PZP: variants seen among roughly 807,000 people sequenced by gnomAD.
PZP encodes pregnancy zone protein.
PZP carries 150 observed loss-of-function variants against 179.8 expected under a neutral mutation model. The observed-to-expected ratio is 0.83, with a 90% CI of 0.73 to 0.96. The LOEUF (loss-of-function observed/expected upper bound fraction) is 0.96, where lower values mean the gene tolerates loss of function less well. PZP is among the 40% of genes least tolerant of loss of function. PZP has a pLI of 0.00. For synonymous variants in PZP, 624 were observed against 652.3 expected, an observed-to-expected ratio of 0.96 and a Z score of 0.66; for missense variants, 1,689 against 1,764.0, an observed-to-expected ratio of 0.96 and a Z score of 0.76.
chr12:9,162,726 A>C lies in PZP; in HGVS notation c.2737-78T>G, dbSNP rs146225416. 15 of 1,165,310 alleles carry C rather than the reference A, an allele frequency of 1.3e-5. No individual in the cohort carries two copies. The African/African-American group carries it at 2.0e-4, about 16-fold the overall frequency. 72.2% of individuals were successfully genotyped at this position (1,165,310 alleles called of 1,614,324 possible). ...AGAACCACATGGATTCCTTTCTTTGATGGGTAGGGTTTACACGAATGATGT... is the reference window on the plus strand; with the variant it reads ...AGAACCACATGGATTCCTTTCTTTGCTGGGTAGGGTTTACACGAATGATGT... On this transcript the variant is annotated intron_variant, in intron 21 of 35. Coordinates refer to ENST00000261336, the MANE Select transcript of PZP (RefSeq NM_002864.3).
At chr12:9,152,121 C>A in intron 32 of PZP, 99 bp downstream of exon 32, 2 of 919,126 alleles carry the variant, frequency 2.2e-6, no homozygotes, top group Non-Finnish European at 1.8e-6. Context: ...TTTTTTGAGG[C>A]AGGATGATGT....
In PZP at chr12:9,196,325, C is replaced by T. The variant is rs777440945; in HGVS notation, c.1092+5G>A. 2.5e-6 allele frequency: 4 copies of T among 1,590,960 alleles called. No individual in the cohort carries two copies. The South Asian group carries it at 4.4e-5, about 18-fold the overall frequency. ...TGCTTACCTGTGCATTACAACATATCTTACCTGTGCAAAAAAGGGGATTCC... is the reference window on the plus strand; with the variant it reads ...TGCTTACCTGTGCATTACAACATATTTTACCTGTGCAAAAAAGGGGATTCC... On this transcript the variant is annotated splice_donor_5th_base_variant and intron_variant, in intron 10 of 35. Coordinates refer to ENST00000261336, the MANE Select transcript of PZP (RefSeq NM_002864.3).
chr12:9,169,484 T>G lies in PZP; in HGVS notation c.1947A>C (p.Gly649=). ...TACTTGATAAGGGAACATAGATGGCTCCATTATGAATGAAGAAAGGACGGG... is the reference window on the plus strand; with the variant it reads ...TACTTGATAAGGGAACATAGATGGCGCCATTATGAATGAAGAAAGGACGGG... ...HCPRPFFIHN[G]AIYVPLSSNE... The change falls in exon 16 of 36, where the codon GGA becomes GGC. Residue 649 remains glycine, a synonymous_variant. Transcript: ENST00000261336. The G allele has an allele frequency of 6.2e-7, 1 of 1,612,764 alleles. No individual in the cohort carries two copies.
rs1295944940 is a variant in PZP at position 9,194,312 on chromosome 12, T to G, written c.1093-74A>C. The G allele has an allele frequency of 3.5e-6, 5 of 1,409,264 alleles. No individual in the cohort carries two copies. In the East Asian group the frequency reaches 1.2e-4, roughly 32 times the overall value. 87.3% of individuals were successfully genotyped at this position (1,409,264 alleles called of 1,614,324 possible). ...GACTGAACTCATGTGAACAAATGCT[T>G]TTGCTGCTATAACTAAAACAACAAC... On this transcript the variant is annotated intron_variant, in intron 10 of 35. Transcript: ENST00000261336.
At position 9,194,175 on chromosome 12, in the gene PZP, C is replaced by A; in HGVS notation, c.1156G>T (p.Asp386Tyr). The A allele has an allele frequency of 6.2e-7, 1 of 1,613,974 alleles. No individual in the cohort carries two copies. The highest frequency in any genetic ancestry group is 1.1e-5 in the South Asian group (1 of 91,068). The change falls in exon 11 of 36, where the codon GAC becomes TAC. Residue 386 changes from aspartate to tyrosine, a missense_variant. By Grantham distance (160) the Asp-to-Tyr change is radical. Around this residue, in one of 3 missense-constraint regions of PZP, gnomAD observed 742 missense variants for 730.5 expected, o/e 1.02. Transcript: ENST00000261336. ...PNKLFFISVN[D>Y]ANYYSNATTN... ...GTTGCATTGGAGTAATAATTGGCGT[C>A]ATTCACAGAGATGAAGAAGAGTTTA...
intron 24 of PZP, 58 bp from the exon 25 acceptor site, chr12:9,160,083 A>G (rs1049633661): frequency 6.7e-7 from 1 of 1,497,050 alleles, no homozygotes; most frequent in African/African-American, 1.4e-5. Context: ...GGCCATCCAT[A>G]TGTTTAGGCT....
chr12:9,204,048 A>C, intron 1 of PZP, 97 bp from the exon 2 acceptor site: 6 of 1,211,200 alleles, frequency 5.0e-6, no homozygotes, highest in Non-Finnish European at 6.9e-6. Flanking sequence ...TAATTGGTGC[A>C]ATCAGTTTTA....
At chr12:9,187,671 C>T (rs1249478753) in intron 13 of PZP, among the ~76,000 whole-genome samples, 2 of 152,322 alleles carry the variant, frequency 1.3e-5, no homozygotes, top group South Asian at 2.1e-4. Flanking sequence ...TTCTGGGACA[C>T]AGCTAAGGCG....
chr12:9,167,821 C>G (rs1941699579), intron 17 of PZP, among the ~76,000 whole-genome samples: 1 of 152,260 alleles, frequency 6.6e-6, no homozygotes, highest in South Asian at 2.1e-4. Flanking sequence ...CCCCAAACCT[C>G]AATGGTTTAA....
At chr12:9,183,120 C>G (rs771589056) in intron 13 of PZP, among the ~76,000 whole-genome samples, 2 of 152,058 alleles carry the variant, frequency 1.3e-5, no homozygotes, top group African/African-American at 2.4e-5. Flanking sequence ...TTTTTCTTAA[C>G]CATATGTATT....
Position 9,181,119 on chromosome 12 carries a change from A to C in PZP, c.1703T>G (p.Phe568Cys). The C allele has an allele frequency of 6.2e-7, 1 of 1,614,112 alleles. No individual in the cohort carries two copies. Among genetic ancestry groups the C allele is most frequent in the Non-Finnish European group, 8.5e-7 (1 of 1,179,990 alleles). ...NCLANKVDLSFSPAQSPPASH... is the reference protein window; with the variant it reads ...NCLANKVDLSCSPAQSPPASH... ...GGCTGGGGGACTTTGTGCTGGGCTG[A>C]AGCTCAAATCCACCTGTGGGAAATG... Residue 568 changes from phenylalanine to cysteine, a missense_variant, in exon 15 of 36, where the codon TTC becomes TGC. By Grantham distance (205) the Phe-to-Cys change is radical (BLOSUM62 -2). Coordinates refer to ENST00000261336, the MANE Select transcript of PZP (RefSeq NM_002864.3).
intron 25 of PZP, among the ~76,000 whole-genome samples, 172 bp downstream of exon 25, chr12:9,159,766 C>T (rs1217604845): frequency 2.0e-5 from 3 of 151,584 alleles, no homozygotes; most frequent in Admixed American, 6.6e-5. Flanking sequence ...GATGCGGCCC[C>T]TAGACTTTTG....
At chr12:9,166,010 T>A in intron 18 of PZP, 42 bp downstream of exon 18, 3 of 1,567,012 alleles carry the variant, frequency 1.9e-6, no homozygotes, top group Non-Finnish European at 2.6e-6. Flanking sequence ...AGGAACCACA[T>A]TCCCTCCCCT....
At position 9,153,261 on chromosome 12, in the gene PZP, A is replaced by G. The variant is rs143902151; in HGVS notation, c.3857T>C (p.Val1286Ala). The G allele has an allele frequency of 1.2e-6, 2 of 1,614,020 alleles. No homozygotes were observed. The highest frequency in any genetic ancestry group is 1.3e-5 in the African/African-American group (1 of 74,910). Residue 1286 changes from valine to alanine, a missense_variant, in exon 30 of 36, where the codon GTT (valine) becomes GCT (alanine). By Grantham distance (64) the Val-to-Ala change is moderately conservative. Transcript: ENST00000261336. Reference sequence around the variant, plus strand: ...TGTAGAAAAGGTCTGTGAATCCTGAACGGTGACCTGTGCAGTTTTCTCAGT... The same window carrying G: ...TGTAGAAAAGGTCTGTGAATCCTGAGCGGTGACCTGTGCAGTTTTCTCAGT... Reference protein sequence around the residue: ...TRTEKTAQVTVQDSQTFSTNF... With the variant: ...TRTEKTAQVTAQDSQTFSTNF...
intron 2 of PZP, 113 bp from the exon 3 acceptor site, chr12:9,202,797 G>T: frequency 2.0e-6 from 2 of 1,016,758 alleles, no homozygotes; most frequent in South Asian, 1.6e-5. Flanking sequence ...GAGAAGGAAG[G>T]TGTGACTATT....
At chr12:9,179,235 A>G (rs1942595929) in intron 15 of PZP, among the ~76,000 whole-genome samples, 1 of 152,120 alleles carries the variant, frequency 6.6e-6, no homozygotes. Flanking sequence ...CCCATATTAG[A>G]TATCATTTTC....
Position 9,200,450 on chromosome 12 carries a change from T to C in PZP, c.671-2A>G, listed in dbSNP as rs1193738606. 2 of 1,595,610 alleles carry C rather than the reference T, an allele frequency of 1.3e-6. No individual in the cohort carries two copies. Among genetic ancestry groups the C allele is most frequent in the East Asian group, 4.5e-5 (2 of 44,752 alleles). On this transcript the variant is annotated splice_acceptor_variant, in intron 6 of 35. Transcript: ENST00000261336. LOFTEE classifies it high-confidence loss of function. ...CTTTGACCTCAAACTTGGGAAGCAC[T>C]GTTAATAGAGATAATAGGAATAAGG...
chr12:9,151,656 G>T lies in PZP; in HGVS notation c.4229C>A (p.Ser1410Tyr). 6.2e-7 allele frequency: 1 copy of T among 1,613,784 alleles called. No homozygotes were observed. Among genetic ancestry groups the T allele is most frequent in the Non-Finnish European group, 8.5e-7 (1 of 1,179,816 alleles). Residue 1410 changes from serine to tyrosine, a missense_variant, in exon 33 of 36, where the codon TCT (serine) becomes TAT (tyrosine). Ser to Tyr is a moderately radical substitution (Grantham distance 144, BLOSUM62 -2). Coordinates refer to ENST00000261336, the MANE Select transcript of PZP (RefSeq NM_002864.3). ...GTTGCTCACTTCTGTCCGGCTCACA[G>T]AGCTAGATCTTTCAAGCTGGAGAGA... ...PTVKMLERSS[S>Y]VSRTEVSNNH...
chr12:9,137,722 C>T, the PZP span, among the ~76,000 whole-genome samples: 1 of 151,996 alleles, frequency 6.6e-6, no homozygotes, highest in Non-Finnish European at 1.5e-5. Context: ...TTTCCAGACA[C>T]AGGTCTTTCA....
Sources: gnomAD v4.1 joint callset for allele counts (sites outside exome capture counted in the v4.1 genomes callset) on GRCh38, gnomAD v4.1.1 for gene constraint, gnomAD v4.1.1 regional missense constraint, MANE v1.5 for transcripts, NCBI Gene and HGNC (gene_info 2026-07-23, HGNC 2026-07-21) for gene names.